The following KCNMA1 variants were observed in gnomAD, a reference collection of about 807,000 sequenced individuals.
KCNMA1 encodes Calcium-activated potassium channel subunit alpha-1.
In KCNMA1, 29 loss-of-function variants were observed where a neutral mutation model predicts 140.0. The ratio of observed to expected loss-of-function variants is 0.21; its 90% CI spans 0.15 to 0.28. The LOEUF is 0.28. Ranked by LOEUF, KCNMA1 falls within the 10% of genes least tolerant of loss-of-function variation. The pLI is 1.00. For synonymous variants in KCNMA1, 612 were observed against 611.9 expected (o/e 1.00, Z 0.00); for missense variants, 880 against 1,602.2 (o/e 0.55, Z 7.70).
rs2093897739 is a variant in KCNMA1, at chr10:77,637,592, G to A, written c.51C>T (p.Gly17=). The A allele has an allele frequency of 3.3e-6, 5 of 1,523,068 alleles. No individual in the cohort carries two copies. Among genetic ancestry groups the A allele is most frequent in the Non-Finnish European group, 4.4e-6 (5 of 1,138,944 alleles). The allele number at this position is 1,523,068 out of a possible 1,614,324, so 94.3% of individuals were successfully genotyped here. A position where few individuals can be genotyped will look rare whatever the true frequency, so the allele number is the denominator to read the frequency against. Residue 17 remains glycine (G), a synonymous_variant, in exon 1 of 28, where the codon GGC becomes GGT. Coordinates refer to ENST00000286628, the MANE Select transcript of KCNMA1 (RefSeq NM_001161352.2). ...GGGGSSGGGG[G]GGGSSLRMSS... is the part of the protein sequence containing the mutation. ...TCATTCTAAGACTGCTGCCTCCGCC[G>A]CCGCCGCCGCCGCCGCTGCTGCCGC... is the stretch of plus-strand genomic sequence containing the variant.
In KCNMA1 at chr10:77,619,616, C is replaced by A. The variant is rs1453913916; in HGVS notation, c.378+17649G>T. On this transcript the variant is annotated intron_variant, in intron 1 of 27. Coordinates refer to ENST00000286628, the MANE Select transcript of KCNMA1 (RefSeq NM_001161352.2). The stretch of plus-strand genomic sequence containing the variant: ...AGGGCCTGCTTTGATGACCAGCCAC[C>A]ACATTGAGCGACCCCTGGTCACTGC... 2.6e-5 allele frequency among the ~76,000 whole-genome samples: 4 copies of A among 152,132 alleles called. No individual in the cohort carries two copies. The East Asian group carries it at 7.7e-4, about 29-fold the overall frequency.
intron 2 of KCNMA1, among the ~76,000 whole-genome samples, chr10:77,338,872 A>G (rs547208614): frequency 6.6e-6 from 1 of 152,252 alleles, no homozygotes; most frequent in Non-Finnish European, 1.5e-5. Context: ...CAAGAAATGT[A>G]AGACTCTTCT....
chr10:77,054,113 T>C (rs2095467145), intron 14 of KCNMA1, among the ~76,000 whole-genome samples: 1 of 152,138 alleles, frequency 6.6e-6, no homozygotes, highest in Admixed American at 6.5e-5. Flanking sequence ...GGAAATACTA[T>C]CTGAGATCTT....
chr10:77,075,799 A>G (rs1369154111), intron 13 of KCNMA1, among the ~76,000 whole-genome samples: 1 of 152,186 alleles, frequency 6.6e-6, no homozygotes, highest in Non-Finnish European at 1.5e-5. Context: ...CAAAGAGAAG[A>G]GACTGACCCA....
intron 1 of KCNMA1, among the ~76,000 whole-genome samples, chr10:77,499,847 A>C (rs2043239140): frequency 6.6e-6 from 1 of 152,202 alleles, no homozygotes; most frequent in Non-Finnish European, 1.5e-5. Flanking sequence ...ATGAAAACTA[A>C]AATTTATTGG....
At chr10:77,001,282 CAGG>C (rs1364754158) in intron 19 of KCNMA1, 122 bp downstream of exon 19, 24 of 856,796 alleles carry the variant, frequency 2.8e-5, no homozygotes, top group Non-Finnish European at 4.0e-5. Context: ...TGTCAGCACA[CAGG>C]AGTTCACACT....
intron 19 of KCNMA1, among the ~76,000 whole-genome samples, chr10:76,990,615 T>C (rs2082463897): frequency 6.6e-6 from 1 of 152,192 alleles, no homozygotes; most frequent in African/African-American, 2.4e-5. Flanking sequence ...ATTCCTAGCA[T>C]AGTTGCAGCT....
At chr10:76,970,329 GAAAAAAAAAAA>G (rs10563488) in intron 19 of KCNMA1, 8 of 187,040 alleles carry the variant, frequency 4.3e-5, no homozygotes, top group African/African-American at 1.6e-4. Flanking sequence ...CCTGCCATAA[GAAAAAAAAAAA>G]AAAAAAAGAA....
At chr10:77,300,823 G>A (rs986384833) in intron 2 of KCNMA1, among the ~76,000 whole-genome samples, 3 of 152,142 alleles carry the variant, frequency 2.0e-5, no homozygotes, top group Admixed American at 6.5e-5. Flanking sequence ...TCCTTCAGGT[G>A]CTCTCAAACC....
At chr10:77,356,900 T>A (rs1396842787) in intron 2 of KCNMA1, among the ~76,000 whole-genome samples, 2 of 152,204 alleles carry the variant, frequency 1.3e-5, no homozygotes, top group African/African-American at 4.8e-5. Flanking sequence ...CCTGATCCAA[T>A]GAGAGTGAGT....
At chr10:77,477,832 C>G (rs962240585) in intron 1 of KCNMA1, among the ~76,000 whole-genome samples, 2 of 152,202 alleles carry the variant, frequency 1.3e-5, no homozygotes, top group Non-Finnish European at 1.5e-5. Flanking sequence ...ATATGCCCAG[C>G]AAGAAACTGC....
chr10:77,134,428 C>A (rs1429216158), intron 5 of KCNMA1, among the ~76,000 whole-genome samples: 1 of 151,680 alleles, frequency 6.6e-6, no homozygotes, highest in East Asian at 1.9e-4. Context: ...AGTGAATAAT[C>A]ATTAAATAAA....
intron 1 of KCNMA1, among the ~76,000 whole-genome samples, chr10:77,431,600 C>T (rs59048606): frequency 1.4e-5 from 2 of 146,442 alleles, no homozygotes; most frequent in Admixed American, 1.4e-4. Context: ...AGACTAAGGG[C>T]TCAGCCCTAG....
At chr10:77,294,595 T>C (rs1450199441) in intron 2 of KCNMA1, among the ~76,000 whole-genome samples, 2 of 152,218 alleles carry the variant, frequency 1.3e-5, no homozygotes, top group Non-Finnish European at 2.9e-5. Flanking sequence ...TGCTGTTACA[T>C]TGTTTATTAC....
chr10:77,462,704 C>A (rs554186564), intron 1 of KCNMA1, among the ~76,000 whole-genome samples: 2 of 152,244 alleles, frequency 1.3e-5, no homozygotes, highest in African/African-American at 4.8e-5. Flanking sequence ...GTCCCGCCCA[C>A]CCACAGCATC....
intron 2 of KCNMA1, among the ~76,000 whole-genome samples, chr10:77,385,564 C>G (rs947853568): frequency 6.6e-6 from 1 of 152,250 alleles, no homozygotes; most frequent in African/African-American, 2.4e-5. Flanking sequence ...GTGCTCTTAA[C>G]CACTCAGCCT....
intron 1 of KCNMA1, chr10:77,636,090 G>T: frequency 1.6e-6 from 1 of 628,134 alleles, no homozygotes; most frequent in Non-Finnish European, 2.4e-6. Context: ...GCTGCAATGT[G>T]TATCTACCCT....
At chr10:77,046,652 C>CG (rs1376435491) in intron 14 of KCNMA1, among the ~76,000 whole-genome samples, 22 of 152,306 alleles carry the variant, frequency 1.4e-4, no homozygotes, top group Non-Finnish European at 2.8e-4. Flanking sequence ...AGATTCTCTC[C>CG]TCCTCTATTT....
chr10:76,953,789 T>C lies in KCNMA1; in HGVS notation c.2484+12A>G, dbSNP rs762874197. ...GAAGCGGGCAACATCAGATGCACAG[T>C]CCCTCACTCACCAGGATGACTTTCT... On this transcript the variant is annotated intron_variant, in intron 21 of 27. Transcript: ENST00000286628. The C allele has an allele frequency of 2.5e-6, 4 of 1,613,888 alleles. No homozygotes were observed. The highest frequency in any genetic ancestry group is 3.4e-6 in the Non-Finnish European group (4 of 1,179,864).
Sources: allele counts gnomAD v4.1 joint callset (sites outside exome capture counted in the v4.1 genomes callset), GRCh38; gene constraint gnomAD v4.1.1; transcripts MANE v1.5; gene names NCBI Gene and HGNC (gene_info 2026-07-23, HGNC 2026-07-21).